The following RCC2 variants were observed in gnomAD, a reference collection of about 807,000 sequenced individuals.
RCC2 encodes protein RCC2.
RCC2 carries 19 observed loss-of-function variants against 64.1 expected under a neutral mutation model. That is an observed-to-expected ratio of 0.30 (90% CI 0.21 to 0.44). The LOEUF is 0.44. Ranked by LOEUF, RCC2 falls within the 20% of genes least tolerant of loss-of-function variation. RCC2 has a pLI of 1.00. For synonymous variants in RCC2, 325 were observed against 279.6 expected (o/e 1.16, Z -1.62); for missense variants, 508 against 710.4 (o/e 0.72, Z 3.24).
At chr1:17,436,081 T>C (rs891461728) in intron 2 of RCC2, among the ~76,000 whole-genome samples, 2 of 152,066 alleles carry the variant, frequency 1.3e-5, no homozygotes, top group East Asian at 3.9e-4. Context: ...TGGTTTTAAG[T>C]GGATAGAGAA....
At position 17,416,496 on chromosome 1, in the gene RCC2, C is replaced by G. The variant is rs1269363822; in HGVS notation, c.1010G>C (p.Cys337Ser). The change falls in exon 8 of 13, where the codon TGT becomes TCT. Residue 337 changes from cysteine (C) to serine (S), a missense_variant. By Grantham distance (112) the Cys-to-Ser change is moderately radical. Coordinates refer to ENST00000375436, the MANE Select transcript of RCC2 (RefSeq NM_018715.4). ...VPNVVVRDVA[C>S]GANHTLVLDS... ...GAGCCTCACCGTGTGGTTAGCGCCA[C>G]AGGCCACGTCTCGTACAACCACGTT... The G allele has an allele frequency of 9.9e-6, 16 of 1,611,838 alleles. No individual in the cohort carries two copies. Among genetic ancestry groups the G allele is most frequent in the African/African-American group, 1.3e-5 (1 of 74,886 alleles).
chr1:17,434,087 G>A (rs1450169840), intron 2 of RCC2, among the ~76,000 whole-genome samples: 1 of 152,228 alleles, frequency 6.6e-6, no homozygotes, highest in Non-Finnish European at 1.5e-5. Flanking sequence ...AGGAGGTTAT[G>A]AAGTGCGCAA....
intron 1 of RCC2, 143 bp from the exon 2 acceptor site, chr1:17,438,665 C>T: frequency 1.2e-6 from 1 of 806,166 alleles, no homozygotes; most frequent in Non-Finnish European, 1.7e-6. Flanking sequence ...GGAGAGGGGG[C>T]GAGTTGGGAG....
chr1:17,438,168 C>T, intron 2 of RCC2, 62 bp downstream of exon 2: 5 of 1,105,698 alleles, frequency 4.5e-6, no homozygotes, highest in Non-Finnish European at 4.5e-6. Context: ...CGCGCCGTGC[C>T]GCGTCGCTGA....
intron 4 of RCC2, among the ~76,000 whole-genome samples, chr1:17,423,847 A>G (rs1389208641): frequency 1.3e-5 from 2 of 152,260 alleles, no homozygotes; most frequent in Non-Finnish European, 2.9e-5. Flanking sequence ...AAAGGCAGAC[A>G]GCAGAGCCAT....
chr1:17,430,556 G>A (rs1452654398), intron 2 of RCC2, among the ~76,000 whole-genome samples: 1 of 151,874 alleles, frequency 6.6e-6, no homozygotes, highest in African/African-American at 2.4e-5. Context: ...GGGAGGCTGA[G>A]GCGGGTGAAT....
chr1:17,420,557 G>A (rs570535248), intron 7 of RCC2, among the ~76,000 whole-genome samples, 157 bp downstream of exon 7: 24 of 152,228 alleles, frequency 1.6e-4, no homozygotes, highest in Admixed American at 1.4e-3. Context: ...ATGAGGACGC[G>A]CTGTTCTGCT....
At position 17,422,854 on chromosome 1, in the gene RCC2, G is replaced by GA. The variant is rs761747745; in HGVS notation, c.524-19dup. The GA allele has an allele frequency of 8.1e-6, 13 of 1,613,566 alleles. No individual in the cohort carries two copies. The highest frequency in any genetic ancestry group is 1.7e-5 in the Admixed American group (1 of 60,000). ...ATTTCGACCTGCAGATCACATGAGA[G>GA]AAAGTAGAAAAGAGAGAGGGTGGTC... On this transcript the variant is annotated intron_variant, in intron 4 of 12. Coordinates refer to ENST00000375436, the MANE Select transcript of RCC2 (RefSeq NM_018715.4).
intron 4 of RCC2, among the ~76,000 whole-genome samples, chr1:17,425,281 G>C (rs566247872): frequency 6.6e-6 from 1 of 152,236 alleles, no homozygotes. Context: ...GAAGATTCAG[G>C]AAAATGTTCC....
intron 2 of RCC2, among the ~76,000 whole-genome samples, chr1:17,434,514 T>C (rs762211255): frequency 1.3e-5 from 2 of 152,178 alleles, no homozygotes; most frequent in Non-Finnish European, 2.9e-5. Context: ...TAATATCCTT[T>C]ATAATAAACT....
intron 7 of RCC2, among the ~76,000 whole-genome samples, chr1:17,418,355 C>T (rs945907864): frequency 4.6e-5 from 7 of 152,018 alleles, no homozygotes. Context: ...AACATCTGTC[C>T]GTTTAAAAGT....
chr1:17,437,248 A>G (rs1360773715), intron 2 of RCC2, among the ~76,000 whole-genome samples: 1 of 152,188 alleles, frequency 6.6e-6, no homozygotes, highest in African/African-American at 2.4e-5. Context: ...GGAGATGGGC[A>G]CTTATGGAAG....
At chr1:17,431,080 C>T (rs1240354296) in intron 2 of RCC2, among the ~76,000 whole-genome samples, 2 of 151,178 alleles carry the variant, frequency 1.3e-5, no homozygotes, top group African/African-American at 4.9e-5. Flanking sequence ...CACCTGTAAT[C>T]CCAGCACTTT....
At position 17,412,170 on chromosome 1, in the gene RCC2, G is replaced by C. The variant is rs753920683; in HGVS notation, c.1338C>G (p.Ala446=). The C allele has an allele frequency of 6.2e-7, 1 of 1,613,928 alleles. No individual in the cohort carries two copies. The highest frequency in any genetic ancestry group is 8.5e-7 in the Non-Finnish European group (1 of 1,180,012). ...GACCCCAGCTGATGGTGCTCTCATC[G>C]GCGGCCACAATGATGCTGCTCTTCC... is the stretch of plus-strand genomic sequence containing the variant. ...ACGKSSIIVA[A]DESTISWGPS... The change falls in exon 11 of 13, where the codon GCC becomes GCG. Residue 446 remains alanine, a synonymous_variant. Transcript: ENST00000375436.
At position 17,408,080 on chromosome 1, in the gene RCC2, G is replaced by A. The variant is rs2075382644; in HGVS notation, c.*1010C>T. ...AGAGCCAAGCAAACGTGACTAAAGGGAGCTGGGTCAGCAGAACGGTACCCC... is the reference window on the plus strand; with the variant it reads ...AGAGCCAAGCAAACGTGACTAAAGGAAGCTGGGTCAGCAGAACGGTACCCC... On this transcript the variant is annotated 3_prime_UTR_variant, in exon 13 of 13. Transcript: ENST00000375436. 1 of 152,204 alleles carries A rather than the reference G, an allele frequency of 6.6e-6. No individual in the cohort carries two copies. Among genetic ancestry groups the A allele is most frequent in the Non-Finnish European group, 1.5e-5 (1 of 68,064 alleles). The allele number at this position is 152,204 out of a possible 1,614,324, so 9.4% of individuals were successfully genotyped here.
rs199816131 is a variant in RCC2 at position 17,413,021 on chromosome 1, C to CA, written c.1313+51dup. ...AGGGGCACCCCATGGGTGTGTCTGA[C>CA]ACCCCCATGAAAGGAAGAGACCTCA... On this transcript the variant is annotated intron_variant, in intron 10 of 12. Coordinates refer to ENST00000375436, the MANE Select transcript of RCC2 (RefSeq NM_018715.4). 3,207 of 1,372,088 alleles carry CA rather than the reference C, an allele frequency of 2.3e-3. 51 individuals carry two copies. The African/African-American group carries it at 0.04, about 17-fold the overall frequency. The allele number at this position is 1,372,088 out of a possible 1,614,324, so 85.0% of individuals were successfully genotyped here. A position where few individuals can be genotyped will look rare whatever the true frequency, so the allele number is the denominator to read the frequency against.
intron 7 of RCC2, among the ~76,000 whole-genome samples, chr1:17,418,675 T>C (rs1470866991): frequency 6.6e-6 from 1 of 152,014 alleles, no homozygotes; most frequent in East Asian, 1.9e-4. Context: ...AATAAAAGTC[T>C]GAGGGTCCCC....
In RCC2 at chr1:17,438,398, G is replaced by A. The variant is rs1240148029; in HGVS notation, c.117C>T (p.Pro39=). ...CGCCGCTGCTGCTACTGCAGCGCTC[G>A]GGCCGCTCGCGCTTCCTGCCCGCCG... is the stretch of plus-strand genomic sequence containing the variant. The part of the protein sequence containing the change: ...GGPAGRKRER[P]ERCSSSSGGG... Residue 39 remains proline, a synonymous_variant, in exon 2 of 13, where the codon CCC becomes CCT. Coordinates refer to ENST00000375436, the MANE Select transcript of RCC2 (RefSeq NM_018715.4). 1 of 1,262,302 alleles carries A rather than the reference G, an allele frequency of 7.9e-7. No homozygotes were observed. The highest frequency in any genetic ancestry group is 1.6e-5 in the African/African-American group (1 of 64,116). 78.2% of individuals were successfully genotyped at this position (1,262,302 alleles called of 1,614,324 possible).
intron 2 of RCC2, among the ~76,000 whole-genome samples, chr1:17,437,566 A>C (rs1186210594): frequency 4.1e-5 from 4 of 98,506 alleles, no homozygotes; most frequent in African/African-American, 1.2e-4. Context: ...GGGGGGCTAC[A>C]ACAGAGCCCT....
Sources: gnomAD v4.1 joint callset for allele counts (sites outside exome capture counted in the v4.1 genomes callset) on GRCh38, gnomAD v4.1.1 for gene constraint, MANE v1.5 for transcripts, NCBI Gene and HGNC (gene_info 2026-07-23, HGNC 2026-07-21) for gene names.